MDFIC2: variants seen among roughly 807,000 people sequenced by gnomAD.
MDFIC2 encodes the protein myoD family inhibitor domain-containing protein 2.
At chr3:70,231,013 C>T (rs1230918656) in intron 2 of MDFIC2, among the ~76,000 whole-genome samples, 1 of 152,196 alleles carries the variant, frequency 6.6e-6, no homozygotes. Context: ...GGCCTAGCAG[C>T]CCTGGAACAT....
intron 2 of MDFIC2, among the ~76,000 whole-genome samples, chr3:70,227,195 G>A (rs1575601712): frequency 6.6e-6 from 1 of 152,124 alleles, no homozygotes; most frequent in Non-Finnish European, 1.5e-5. Flanking sequence ...CCATGATGGA[G>A]GATGAATTAG....
At chr3:70,242,947 CTT>C (rs1701676242) in intron 2 of MDFIC2, among the ~76,000 whole-genome samples, 1 of 152,080 alleles carries the variant, frequency 6.6e-6, no homozygotes, top group African/African-American at 2.4e-5. Flanking sequence ...CAAAAAAAGA[CTT>C]TAAAAAAATT....
chr3:70,295,211 A>C (rs1268552516), intron 2 of MDFIC2, among the ~76,000 whole-genome samples: 1 of 152,164 alleles, frequency 6.6e-6, no homozygotes, highest in Non-Finnish European at 1.5e-5. Flanking sequence ...GAGATTGCTT[A>C]AGAAGAATGG....
At position 70,236,750 on chromosome 3, in the gene MDFIC2, C is replaced by T. The variant is rs114368831; in HGVS notation, c.89-29960G>A. ...AGCTGGGACCACTGGTGCATGCCACCATGGCTGGCTAATTAAAACTTTTTT... is the reference window on the plus strand; with the variant it reads ...AGCTGGGACCACTGGTGCATGCCACTATGGCTGGCTAATTAAAACTTTTTT... On this transcript the variant is annotated intron_variant, in intron 2 of 3. Transcript: ENST00000567252. Among the ~76,000 whole-genome samples, 971 of 152,134 alleles carry T rather than the reference C, an allele frequency of 6.4e-3. 6 individuals are homozygous for T. Among genetic ancestry groups the T allele is most frequent in the African/African-American group, 0.022 (924 of 41,498 alleles).
chr3:70,267,464 G>T (rs7638227), intron 2 of MDFIC2, among the ~76,000 whole-genome samples: 4,616 of 140,510 alleles, frequency 0.033, 238 homozygotes, highest in African/African-American at 0.11. Flanking sequence ...GTGCAGTGGC[G>T]CGATCTCCGC....
chr3:70,246,634 G>A (rs1305314535), intron 2 of MDFIC2, among the ~76,000 whole-genome samples: 1 of 151,952 alleles, frequency 6.6e-6, no homozygotes, highest in Admixed American at 6.6e-5. Context: ...CGTATTTAAG[G>A]GGTTGTTGAC....
intron 2 of MDFIC2, among the ~76,000 whole-genome samples, chr3:70,292,465 A>G (rs6783416): frequency 0.27 from 40,370 of 151,888 alleles, 5,904 homozygotes; most frequent in East Asian, 0.44. Flanking sequence ...TAGCAAAGGT[A>G]AATCAGGAAA....
At chr3:70,238,644 C>T (rs750485401) in intron 2 of MDFIC2, among the ~76,000 whole-genome samples, 1 of 151,882 alleles carries the variant, frequency 6.6e-6, no homozygotes, top group Non-Finnish European at 1.5e-5. Flanking sequence ...TGAGAATAAA[C>T]CCCCAAAAGG....
chr3:70,259,836 C>T (rs530002699), intron 2 of MDFIC2, among the ~76,000 whole-genome samples: 2 of 152,186 alleles, frequency 1.3e-5, no homozygotes, highest in South Asian at 4.1e-4. Flanking sequence ...TTCAGCACAG[C>T]TGGGGAGGTC....
At chr3:70,199,147 C>T (rs1701209823) in intron 3 of MDFIC2, among the ~76,000 whole-genome samples, 2 of 152,140 alleles carry the variant, frequency 1.3e-5, no homozygotes, top group South Asian at 4.1e-4. Flanking sequence ...GTCCTTTATA[C>T]ATGCAAGGTT....
At chr3:70,273,901 C>G (rs1404451923) in intron 2 of MDFIC2, among the ~76,000 whole-genome samples, 1 of 152,098 alleles carries the variant, frequency 6.6e-6, no homozygotes, top group Non-Finnish European at 1.5e-5. Flanking sequence ...CTCCTAGGCT[C>G]AAGTCATTCT....
intron 2 of MDFIC2, among the ~76,000 whole-genome samples, chr3:70,277,899 G>A (rs1702042778): frequency 2.0e-5 from 3 of 152,162 alleles, no homozygotes; most frequent in Admixed American, 2.0e-4. Context: ...AGAGGAAGAT[G>A]ATTGAGACCC....
intron 2 of MDFIC2, among the ~76,000 whole-genome samples, chr3:70,256,647 C>T (rs1365217283): frequency 2.6e-5 from 4 of 152,178 alleles, no homozygotes; most frequent in Non-Finnish European, 5.9e-5. Flanking sequence ...AATCCTCAAG[C>T]CATGAGATGC....
rs1701507152 is a variant in MDFIC2, at chr3:70,226,358, T to C, written c.89-19568A>G. Among the ~76,000 whole-genome samples, 4 of 152,302 alleles carry C rather than the reference T, an allele frequency of 2.6e-5. No individual in the cohort carries two copies. In the South Asian group the frequency reaches 8.3e-4, roughly 32 times the overall value. ...TAACAGAGGCACACACACAGCTTTG[T>C]GGATGCAAAGCCCAGGAATTTCCTA... On this transcript the variant is annotated intron_variant, in intron 2 of 3. Coordinates refer to ENST00000567252, the MANE Select transcript of MDFIC2 (RefSeq NM_001364677.1).
At chr3:70,215,012 A>G (rs1559536932) in intron 2 of MDFIC2, among the ~76,000 whole-genome samples, 2 of 152,060 alleles carry the variant, frequency 1.3e-5, no homozygotes, top group Non-Finnish European at 2.9e-5. Context: ...TATACAGTCA[A>G]TTTTTTTACT....
chr3:70,301,073 G>A (rs9864250), intron 2 of MDFIC2, among the ~76,000 whole-genome samples: 31,540 of 151,904 alleles, frequency 0.21, 3,468 homozygotes, highest in South Asian at 0.28. Flanking sequence ...AAAAGACGAT[G>A]TTAGCTATTT....
At chr3:70,241,564 G>A (rs144250656) in intron 2 of MDFIC2, among the ~76,000 whole-genome samples, 1 of 152,130 alleles carries the variant, frequency 6.6e-6, no homozygotes, top group Non-Finnish European at 1.5e-5. Context: ...AGGTATTCTT[G>A]TTAGTATTTT....
chr3:70,250,730 TCCTGGAAGCATC>T (rs1701757267), intron 2 of MDFIC2, among the ~76,000 whole-genome samples: 1 of 152,164 alleles, frequency 6.6e-6, no homozygotes, highest in African/African-American at 2.4e-5. Context: ...CTTTTGTTTG[TCCTGGAAGCATC>T]TTGCAATTTG....
chr3:70,212,735 T>C (rs1473073432), intron 2 of MDFIC2, among the ~76,000 whole-genome samples: 1 of 152,146 alleles, frequency 6.6e-6, no homozygotes, highest in African/African-American at 2.4e-5. Flanking sequence ...ACACACATCA[T>C]GAACACACAC....
Sources: allele counts gnomAD v4.1 joint callset (sites outside exome capture counted in the v4.1 genomes callset), GRCh38; gene constraint gnomAD v4.1.1; transcripts MANE v1.5; gene names NCBI Gene and HGNC (gene_info 2026-07-23, HGNC 2026-07-21).